Variants in DNAH3 observed in about 807,000 individuals in gnomAD.
DNAH3 encodes the protein dynein axonemal heavy chain 3, also known as axonemal beta dynein heavy chain 3.
DNAH3 carries 332 observed loss-of-function variants against 432.5 expected under a neutral mutation model. That is an observed-to-expected ratio of 0.77 (90% CI 0.70 to 0.84). The LOEUF is 0.84. DNAH3 is among the 40% of genes least tolerant of loss of function. The probability of loss-of-function intolerance (pLI) is 0.00; values close to 1 mark genes in which losing one functional copy is unlikely to be tolerated. For synonymous variants in DNAH3, 1,956 were observed against 1,900.2 expected (o/e 1.03, Z -0.76); for missense variants, 4,861 against 5,114.0 (o/e 0.95, Z 1.51).
chr16:20,945,460 G>A (rs1487409944), intron 57 of DNAH3, among the ~76,000 whole-genome samples: 1 of 151,632 alleles, frequency 6.6e-6, no homozygotes, highest in South Asian at 2.1e-4. Context: ...CCATGTCATT[G>A]CTCTGTCTAT....
chr16:21,062,405 T>C, intron 25 of DNAH3, 77 bp downstream of exon 25: 1 of 1,220,348 alleles, frequency 8.2e-7, no homozygotes. Context: ...TGGTGCTTAG[T>C]CCCAGTGCTT....
At chr16:20,953,180 A>T in intron 55 of DNAH3, among the ~76,000 whole-genome samples, 1 of 147,574 alleles carries the variant, frequency 6.8e-6, no homozygotes, top group African/African-American at 2.5e-5. Flanking sequence ...TTTTTTGGAG[A>T]CAGAGTCTCG....
At chr16:21,153,710 C>A (rs1266380069) in intron 1 of DNAH3, among the ~76,000 whole-genome samples, 1 of 152,076 alleles carries the variant, frequency 6.6e-6, no homozygotes, top group African/African-American at 2.4e-5. Context: ...CCGAACACAT[C>A]CGAGCATCAG....
chr16:21,022,967 C>T (rs1478844574), intron 39 of DNAH3, among the ~76,000 whole-genome samples: 2 of 152,060 alleles, frequency 1.3e-5, no homozygotes, highest in Non-Finnish European at 2.9e-5. Context: ...ATGCTGGTCT[C>T]GAACTCCTGA....
intron 6 of DNAH3, 62 bp downstream of exon 7, chr16:21,136,259 AAAT>A: frequency 6.8e-7 from 1 of 1,475,850 alleles, no homozygotes; most frequent in East Asian, 2.3e-5. Context: ...ACAAAAATAA[AAAT>A]AAAAAAGAAG....
intron 44 of DNAH3, among the ~76,000 whole-genome samples, chr16:20,988,821 A>T (rs974033917): frequency 6.6e-6 from 1 of 151,838 alleles, no homozygotes; most frequent in Non-Finnish European, 1.5e-5. Flanking sequence ...TGATGTTCGA[A>T]TGTGTTCGGA....
chr16:20,965,218 C>G, exon 53 of DNAH3: 1 of 1,614,030 alleles, frequency 6.2e-7, no homozygotes. Flanking sequence ...CTCCATGGCC[C>G]TCACCCACTT....
At chr16:21,107,735 G>A (rs889256495) in intron 14 of DNAH3, among the ~76,000 whole-genome samples, 4 of 152,120 alleles carry the variant, frequency 2.6e-5, no homozygotes, top group Non-Finnish European at 5.9e-5. Flanking sequence ...AATGACTGAC[G>A]GTCTTGGCAT....
intron 14 of DNAH3, among the ~76,000 whole-genome samples, chr16:21,109,805 C>A (rs2092029839): frequency 6.6e-6 from 1 of 151,352 alleles, no homozygotes; most frequent in South Asian, 2.1e-4. Context: ...GTGGTGTGAA[C>A]ATGGTTCATT....
exon 48 of DNAH3, chr16:20,985,164 G>A (rs1237815708): frequency 9.9e-6 from 16 of 1,614,054 alleles, no homozygotes; most frequent in East Asian, 2.2e-5. Context: ...TCTTCTCCAC[G>A]ATGTCAGCCT....
At chr16:20,950,940 A>C (rs1349509268) in intron 56 of DNAH3, among the ~76,000 whole-genome samples, 1 of 151,902 alleles carries the variant, frequency 6.6e-6, no homozygotes, top group Non-Finnish European at 1.5e-5. Flanking sequence ...CTCCTGCCTC[A>C]GCCTCCTGAT....
intron 44 of DNAH3, among the ~76,000 whole-genome samples, chr16:20,995,344 G>T (rs2086718700): frequency 6.7e-6 from 1 of 150,060 alleles, no homozygotes; most frequent in Non-Finnish European, 1.5e-5. Flanking sequence ...AGCAATTCTT[G>T]TGCTTCTGCC....
At chr16:21,069,588 C>T (rs2090705756) in exon 23 of DNAH3, 1 of 1,610,866 alleles carries the variant, frequency 6.2e-7, no homozygotes, top group African/African-American at 1.3e-5. Flanking sequence ...AGCTTTTCTT[C>T]CCATTTCTGT....
chr16:21,018,112 A>G (rs2152708100), intron 41 of DNAH3, among the ~76,000 whole-genome samples: 1 of 152,266 alleles, frequency 6.6e-6, no homozygotes, highest in Middle Eastern at 3.4e-3. Flanking sequence ...TTCCTTTGAT[A>G]TAAATCTTAC....
At chr16:21,117,658 C>T (rs1054425449) in intron 11 of DNAH3, among the ~76,000 whole-genome samples, 1 of 152,310 alleles carries the variant, frequency 6.6e-6, no homozygotes, top group East Asian at 1.9e-4. Context: ...ACCTTCTGAA[C>T]TTTTCCTGCT....
chr16:21,081,060 G>A (rs1471959960), intron 20 of DNAH3, among the ~76,000 whole-genome samples: 1 of 152,096 alleles, frequency 6.6e-6, no homozygotes, highest in Non-Finnish European at 1.5e-5. Flanking sequence ...TGGGACTACA[G>A]GCATGTGCCA....
At chr16:21,020,348 G>GTGTATATATATATATATA in intron 40 of DNAH3, among the ~76,000 whole-genome samples, 20 of 69,150 alleles carry the variant, frequency 2.9e-4, no homozygotes, top group African/African-American at 1.2e-3. Flanking sequence ...TATAGTGTGT[G>GTGTATATATATATATATA]TATATATATA....
chr16:20,933,471 C>T (rs577463591), exon 62 of DNAH3: 14 of 1,608,690 alleles, frequency 8.7e-6, no homozygotes, highest in African/African-American at 8.0e-5. Flanking sequence ...GCCCCATCTT[C>T]GGGGTTATTC....
At chr16:21,116,852 A>C (rs1317393192) in intron 12 of DNAH3, among the ~76,000 whole-genome samples, 2 of 152,216 alleles carry the variant, frequency 1.3e-5, no homozygotes, top group Non-Finnish European at 2.9e-5. Flanking sequence ...CCCAGACCTC[A>C]CAGAAACTGC....
Sources: gnomAD v4.1 joint callset for allele counts (sites outside exome capture counted in the v4.1 genomes callset) on GRCh38, gnomAD v4.1.1 for gene constraint, MANE v1.5 for transcripts, NCBI Gene and HGNC (gene_info 2026-07-23, HGNC 2026-07-21) for gene names.